SLC4A10: variants seen among roughly 807,000 people sequenced by gnomAD.
SLC4A10 encodes sodium-driven chloride bicarbonate exchanger.
A neutral mutation model predicts 137.7 loss-of-function variants in SLC4A10; 42 were observed. The observed-to-expected ratio is 0.30, with a 90% CI of 0.24 to 0.39. The LOEUF (loss-of-function observed/expected upper bound fraction) is 0.39. SLC4A10 is among the 10% of genes least tolerant of loss of function. The pLI, the probability that SLC4A10 is intolerant of heterozygous loss-of-function variation, is 1.00. For synonymous variants in SLC4A10, 474 were observed against 464.1 expected, an observed-to-expected ratio of 1.02 and a Z score of -0.27; for missense variants, 925 against 1,355.0, an observed-to-expected ratio of 0.68 and a Z score of 4.98.
chr2:161,941,083 C>A (rs1168869558), intron 15 of SLC4A10, among the ~76,000 whole-genome samples: 2 of 152,070 alleles, frequency 1.3e-5, no homozygotes, highest in African/African-American at 2.4e-5. Flanking sequence ...ATGTGATAAG[C>A]CTTAGAGCAA....
chr2:161,654,443 C>T (rs774818698), intron 1 of SLC4A10, among the ~76,000 whole-genome samples: 2 of 152,064 alleles, frequency 1.3e-5, no homozygotes, highest in African/African-American at 4.8e-5. Flanking sequence ...TTATTATAGT[C>T]GTGAAATCAT....
At chr2:161,975,065 CAT>C (rs1699175060) in intron 24 of SLC4A10, among the ~76,000 whole-genome samples, 1 of 152,036 alleles carries the variant, frequency 6.6e-6, no homozygotes, top group Non-Finnish European at 1.5e-5. Context: ...GGGAATTTGT[CAT>C]AGTGTTAAAA....
chr2:161,970,379 CTT>C (rs771980861), intron 23 of SLC4A10, among the ~76,000 whole-genome samples: 11 of 152,088 alleles, frequency 7.2e-5, no homozygotes, highest in African/African-American at 2.4e-4. Flanking sequence ...AAAAATAACA[CTT>C]ATGGTTTTCA....
chr2:161,629,519 C>G (rs1405107211), intron 1 of SLC4A10, among the ~76,000 whole-genome samples: 1 of 151,842 alleles, frequency 6.6e-6, no homozygotes. Flanking sequence ...AACAAGATCT[C>G]TCACCAGAGT....
intron 1 of SLC4A10, among the ~76,000 whole-genome samples, chr2:161,706,454 T>C (rs1384005047): frequency 1.3e-5 from 2 of 151,634 alleles, no homozygotes; most frequent in African/African-American, 4.8e-5. Context: ...TTCAATAAGA[T>C]GTGTATCTGG....
intron 15 of SLC4A10, among the ~76,000 whole-genome samples, chr2:161,914,017 G>T (rs540768026): frequency 6.6e-6 from 1 of 152,254 alleles, no homozygotes; most frequent in South Asian, 2.1e-4. Flanking sequence ...CATGCTAAAT[G>T]AATGCTTAGA....
chr2:161,859,461 T>C (rs576900472), intron 5 of SLC4A10, among the ~76,000 whole-genome samples: 9 of 151,730 alleles, frequency 5.9e-5, no homozygotes, highest in African/African-American at 2.2e-4. Context: ...CAGCTAATTT[T>C]TTTGTATTTT....
chr2:161,974,415 T>C, intron 24 of SLC4A10, 99 bp downstream of exon 24: 3 of 966,240 alleles, frequency 3.1e-6, no homozygotes, highest in South Asian at 2.5e-5. Context: ...AGAGGTTTCT[T>C]GAAATTGTAT....
At chr2:161,775,876 A>G (rs888593899) in intron 2 of SLC4A10, among the ~76,000 whole-genome samples, 1 of 151,876 alleles carries the variant, frequency 6.6e-6, no homozygotes. Context: ...AATATGATCT[A>G]TTAACTACTT....
chr2:161,703,616 T>A (rs1021312751), intron 1 of SLC4A10, among the ~76,000 whole-genome samples: 6 of 151,694 alleles, frequency 4.0e-5, no homozygotes, highest in Non-Finnish European at 7.4e-5. Flanking sequence ...TTCTAGAAAA[T>A]TATTACATCT....
At chr2:161,862,826 G>C (rs776966419) in intron 5 of SLC4A10, 48 bp from the exon 6 acceptor site, 17 of 1,436,870 alleles carry the variant, frequency 1.2e-5, no homozygotes, top group Non-Finnish European at 1.5e-5. Flanking sequence ...GCTGGCACAC[G>C]TTCTAGAGGA....
At chr2:161,784,416 G>T (rs2053394464) in intron 2 of SLC4A10, among the ~76,000 whole-genome samples, 1 of 151,820 alleles carries the variant, frequency 6.6e-6, no homozygotes, top group Non-Finnish European at 1.5e-5. Context: ...CAATAGACAT[G>T]AACATTTCAC....
chr2:161,733,584 GC>G (rs1460481121), intron 1 of SLC4A10, among the ~76,000 whole-genome samples: 1 of 152,240 alleles, frequency 6.6e-6, no homozygotes, highest in African/African-American at 2.4e-5. Flanking sequence ...TGGGGTTGGA[GC>G]CCCCACCCAA....
intron 1 of SLC4A10, among the ~76,000 whole-genome samples, chr2:161,729,663 G>C (rs1282233106): frequency 1.3e-5 from 2 of 152,030 alleles, no homozygotes; most frequent in Non-Finnish European, 2.9e-5. Flanking sequence ...CTTAAGAATA[G>C]TATTGTATCT....
chr2:161,936,774 G>A (rs960088827), intron 15 of SLC4A10, among the ~76,000 whole-genome samples: 19 of 152,128 alleles, frequency 1.2e-4, no homozygotes, highest in East Asian at 1.9e-4. Flanking sequence ...AGAATAGAAT[G>A]TTCTATTTCA....
At chr2:161,660,576 CT>C (rs1363518065) in intron 1 of SLC4A10, among the ~76,000 whole-genome samples, 1 of 127,056 alleles carries the variant, frequency 7.9e-6, no homozygotes, top group Non-Finnish European at 1.8e-5. Context: ...TTCTTTCTTT[CT>C]TTCTTTCTTT....
intron 1 of SLC4A10, among the ~76,000 whole-genome samples, chr2:161,655,974 T>A: frequency 6.6e-6 from 1 of 151,774 alleles, no homozygotes. Flanking sequence ...CTACCATGCC[T>A]GACTAATTTT....
At chr2:161,767,994 A>G (rs1230193629) in intron 1 of SLC4A10, among the ~76,000 whole-genome samples, 1 of 151,992 alleles carries the variant, frequency 6.6e-6, no homozygotes, top group African/African-American at 2.4e-5. Flanking sequence ...TCAGAGTCAT[A>G]TTCTTTTTTA....
At chr2:161,625,502 C>T (rs1167199235) in intron 1 of SLC4A10, among the ~76,000 whole-genome samples, 1 of 152,086 alleles carries the variant, frequency 6.6e-6, no homozygotes, top group Non-Finnish European at 1.5e-5. Context: ...GCAGAAATCC[C>T]CTCCCTGCAC....
Sources: allele counts gnomAD v4.1 joint callset (sites outside exome capture counted in the v4.1 genomes callset), GRCh38; gene constraint gnomAD v4.1.1; transcripts MANE v1.5; gene names NCBI Gene and HGNC (gene_info 2026-07-23, HGNC 2026-07-21).